The following SMYD3 variants were observed in gnomAD, a reference collection of about 807,000 sequenced individuals.
SMYD3 encodes the protein histone-lysine N-methyltransferase SMYD3.
Under a neutral mutation model 57.7 loss-of-function variants are expected in SMYD3, and 36 were observed. That is an observed-to-expected ratio of 0.62 (90% CI 0.48 to 0.82). The LOEUF (loss-of-function observed/expected upper bound fraction) is 0.82. Ranked by LOEUF, SMYD3 falls within the 40% of genes least tolerant of loss-of-function variation. The probability of loss-of-function intolerance (pLI) is 0.00; values close to 1 mark genes in which losing one functional copy is unlikely to be tolerated. For synonymous variants in SMYD3, 211 were observed against 195.0 expected (o/e 1.08, Z -0.68); for missense variants, 515 against 538.8 (o/e 0.96, Z 0.44).
At chr1:246,305,779 C>T (rs2064967768) in intron 5 of SMYD3, 1 of 152,164 alleles carries the variant, frequency 6.6e-6, no homozygotes, top group African/African-American at 2.4e-5. Flanking sequence ...ACAAAGTTAG[C>T]TTGTCCTACA....
At chr1:246,414,481 T>C (rs972287539) in intron 1 of SMYD3, among the ~76,000 whole-genome samples, 1 of 152,122 alleles carries the variant, frequency 6.6e-6, no homozygotes, top group African/African-American at 2.4e-5. Context: ...GGTTTGAGTT[T>C]CCTAGAGGAA....
intron 2 of SMYD3, among the ~76,000 whole-genome samples, chr1:246,343,638 A>G (rs534328484): frequency 1.1e-4 from 17 of 152,336 alleles, no homozygotes; most frequent in African/African-American, 4.1e-4. Flanking sequence ...CTGTATGCCA[A>G]AGAGTCTCAA....
In SMYD3 at chr1:246,213,900, T is replaced by A. The variant is rs2148401473; in HGVS notation, c.531+113301A>T. Among the ~76,000 whole-genome samples, 2 of 152,284 alleles carry A rather than the reference T, an allele frequency of 1.3e-5. 1 individual carries two copies. Among genetic ancestry groups the A allele is most frequent in the Admixed American group, 1.3e-4 (2 of 15,310 alleles). ...AGAACCTTTCTGAAGCACCTTGAAT[T>A]TCCTAGTTTATAATCTCTGTGAACT... On this transcript the variant is annotated intron_variant, in intron 5 of 11. Transcript: ENST00000490107.
chr1:246,167,533 CG>C (rs2062239425), intron 5 of SMYD3, among the ~76,000 whole-genome samples: 1 of 142,224 alleles, frequency 7.0e-6, no homozygotes, highest in African/African-American at 2.6e-5. Context: ...TTTTTGAAGA[CG>C]GAGTCTCGCT....
At position 245,929,920 on chromosome 1, in the gene SMYD3, G is replaced by C. The variant is rs765025635; in HGVS notation, c.549C>G (p.Phe183Leu). The stretch of plus-strand genomic sequence containing the variant: ...CCTGCATCTCCGCATTACAGATGGT[G>C]AAAGAGTTGCAGATCACCTGTAAAC... The part of the protein sequence containing the change: ...EAFAKVICNS[F>L]TICNAEMQEV... The change falls in exon 6 of 12, where the codon TTC becomes TTG. Residue 183 changes from phenylalanine to leucine, a missense_variant. By Grantham distance (22) the Phe-to-Leu change is conservative. Transcript: ENST00000490107. The C allele has an allele frequency of 2.5e-6, 4 of 1,613,676 alleles. No individual in the cohort carries two copies. Among genetic ancestry groups the C allele is most frequent in the Non-Finnish European group, 3.4e-6 (4 of 1,179,716 alleles).
chr1:246,164,100 T>C (rs775248508), intron 5 of SMYD3, among the ~76,000 whole-genome samples: 4 of 152,216 alleles, frequency 2.6e-5, no homozygotes, highest in Admixed American at 6.5e-5. Context: ...AATGTTTAGC[T>C]GGTTTCTCCC....
chr1:246,140,646 T>C (rs1239134475), intron 5 of SMYD3, among the ~76,000 whole-genome samples: 1 of 152,194 alleles, frequency 6.6e-6, no homozygotes, highest in Non-Finnish European at 1.5e-5. Context: ...GGGGTCTCAA[T>C]CTGTCACCCA....
chr1:245,927,414 G>A (rs934946415), intron 7 of SMYD3, among the ~76,000 whole-genome samples: 37 of 152,218 alleles, frequency 2.4e-4, no homozygotes, highest in African/African-American at 7.5e-4. Context: ...AGATGCTGAT[G>A]GGTTTGTCAA....
rs76458879 is a variant in SMYD3, at chr1:246,501,308, T to C, written c.164+5746A>G. 6.0e-3 allele frequency among the ~76,000 whole-genome samples: 921 copies of C among 152,342 alleles called. 11 individuals carry two copies. Among genetic ancestry groups the C allele is most frequent in the African/African-American group, 0.022 (897 of 41,570 alleles). The stretch of plus-strand genomic sequence containing the variant: ...TGGGTTATTTTAGCCAATGTGAGAA[T>C]TCTGCCTTTGCTGAAACTATTCATG... On this transcript the variant is annotated intron_variant, in intron 1 of 11. Transcript: ENST00000490107.
At chr1:246,363,523 T>G (rs1259177312) in intron 1 of SMYD3, among the ~76,000 whole-genome samples, 1 of 152,200 alleles carries the variant, frequency 6.6e-6, no homozygotes, top group Non-Finnish European at 1.5e-5. Context: ...ATGGTTGCCG[T>G]GTCTGTGTAG....
chr1:246,350,820 G>C (rs12133677), intron 2 of SMYD3, among the ~76,000 whole-genome samples: 36 of 152,032 alleles, frequency 2.4e-4, no homozygotes, highest in Middle Eastern at 3.4e-3. Flanking sequence ...AGTGGGAAAA[G>C]AAAAACTTCC....
chr1:246,182,950 T>C (rs916874220), intron 5 of SMYD3, among the ~76,000 whole-genome samples: 2 of 152,176 alleles, frequency 1.3e-5, no homozygotes, highest in Non-Finnish European at 2.9e-5. Flanking sequence ...CAAATGAGCA[T>C]ACTTAACATA....
intron 10 of SMYD3, among the ~76,000 whole-genome samples, chr1:245,795,779 G>A (rs1217759995): frequency 6.6e-6 from 1 of 152,128 alleles, no homozygotes; most frequent in East Asian, 1.9e-4. Flanking sequence ...AAGAGAAAGA[G>A]CCAAGCACTG....
At chr1:246,436,895 T>G (rs1423424368) in intron 1 of SMYD3, among the ~76,000 whole-genome samples, 1 of 121,006 alleles carries the variant, frequency 8.3e-6, no homozygotes, top group Non-Finnish European at 1.7e-5. Context: ...TGCCAGAGTT[T>G]CTTTCTTTTT....
chr1:245,827,902 G>C (rs1376722777), intron 10 of SMYD3, among the ~76,000 whole-genome samples: 3 of 152,298 alleles, frequency 2.0e-5, no homozygotes, highest in Non-Finnish European at 4.4e-5. Flanking sequence ...CTCTCCTGCT[G>C]CTGAGCCCAT....
chr1:245,798,209 C>T (rs982236757), intron 10 of SMYD3, among the ~76,000 whole-genome samples: 2 of 151,922 alleles, frequency 1.3e-5, no homozygotes, highest in Admixed American at 6.6e-5. Flanking sequence ...GCTCCTTAGC[C>T]TGGCCTGCGC....
chr1:246,166,902 G>A (rs2062223144), intron 5 of SMYD3, among the ~76,000 whole-genome samples: 1 of 152,180 alleles, frequency 6.6e-6, no homozygotes, highest in African/African-American at 2.4e-5. Context: ...TATCACTACA[G>A]AGGAAAACTC....
intron 5 of SMYD3, among the ~76,000 whole-genome samples, chr1:246,056,736 T>C (rs777736057): frequency 6.6e-6 from 1 of 150,936 alleles, no homozygotes; most frequent in African/African-American, 2.5e-5. Context: ...TATCGAAATA[T>C]CACTCTGTAG....
chr1:245,982,070 T>G (rs1254425754), intron 5 of SMYD3, among the ~76,000 whole-genome samples: 2 of 152,176 alleles, frequency 1.3e-5, no homozygotes, highest in Non-Finnish European at 2.9e-5. Flanking sequence ...CCCTTTAAAG[T>G]TTTTGGGTAA....
Sources: gnomAD v4.1 joint callset for allele counts (sites outside exome capture counted in the v4.1 genomes callset) on GRCh38, gnomAD v4.1.1 for gene constraint, MANE v1.5 for transcripts, NCBI Gene and HGNC (gene_info 2026-07-23, HGNC 2026-07-21) for gene names.